The following RARS2 variants were observed in gnomAD, a reference collection of about 807,000 sequenced individuals.
RARS2 encodes the protein arginyl-tRNA synthetase 2, mitochondrial, also known as probable arginine--tRNA ligase, mitochondrial.
In RARS2, 67 loss-of-function variants were observed where a neutral mutation model predicts 88.5. The ratio of observed to expected loss-of-function variants is 0.76; its 90% CI spans 0.62 to 0.93. The LOEUF (loss-of-function observed/expected upper bound fraction) is 0.93. Ranked by LOEUF, RARS2 falls within the 40% of genes least tolerant of loss-of-function variation. The pLI, the probability that RARS2 is intolerant of heterozygous loss-of-function variation, is 0.00. For synonymous variants in RARS2, 239 were observed against 230.3 expected (o/e 1.04, Z -0.34); for missense variants, 664 against 684.2 (o/e 0.97, Z 0.33).
At chr6:87,539,488 T>C (rs1046588676) in intron 8 of RARS2, among the ~76,000 whole-genome samples, 9 of 152,240 alleles carry the variant, frequency 5.9e-5, no homozygotes, top group African/African-American at 2.2e-4. Context: ...AAGCATTAGG[T>C]GACAGCCTGT....
chr6:87,553,050 T>C (rs549147789), intron 5 of RARS2, among the ~76,000 whole-genome samples: 1 of 152,312 alleles, frequency 6.6e-6, no homozygotes, highest in South Asian at 2.1e-4. Flanking sequence ...ATGTACTCTA[T>C]TTTTCTTCCC....
intron 1 of RARS2, among the ~76,000 whole-genome samples, chr6:87,574,158 C>G (rs1246989784): frequency 6.6e-6 from 1 of 152,178 alleles, no homozygotes; most frequent in Non-Finnish European, 1.5e-5. Context: ...GGGTAACACA[C>G]CAATGGCCTT....
At chr6:87,560,716 T>C (rs1302447924) in intron 4 of RARS2, among the ~76,000 whole-genome samples, 2 of 152,064 alleles carry the variant, frequency 1.3e-5, no homozygotes, top group Non-Finnish European at 2.9e-5. Flanking sequence ...CTGACCAACA[T>C]GGAGAAACTA....
chr6:87,548,752 G>T, intron 5 of RARS2, 106 bp from the exon 6 acceptor site: 1 of 995,218 alleles, frequency 1.0e-6, no homozygotes, highest in Non-Finnish European at 1.5e-6. Context: ...TATGGCCTTT[G>T]GTATTAGGGC....
At chr6:87,531,774 TATA>T (rs1195050749) in intron 8 of RARS2, among the ~76,000 whole-genome samples, 3 of 152,220 alleles carry the variant, frequency 2.0e-5, no homozygotes, top group Admixed American at 1.3e-4. Flanking sequence ...GTCTCCAAAA[TATA>T]ATGTTAATAA....
intron 4 of RARS2, among the ~76,000 whole-genome samples, chr6:87,559,690 T>C (rs2128160542): frequency 6.6e-6 from 1 of 152,256 alleles, no homozygotes; most frequent in South Asian, 2.1e-4. Flanking sequence ...ATTATTTTAT[T>C]CTGAAGTTAT....
intron 1 of RARS2, chr6:87,589,707 A>T (rs1437670006): frequency 3.0e-6 from 3 of 985,130 alleles, no homozygotes; most frequent in Non-Finnish European, 3.6e-6. Flanking sequence ...GTACCTTTCA[A>T]AGTTTACTTT....
intron 8 of RARS2, among the ~76,000 whole-genome samples, chr6:87,535,786 C>T (rs1197947508): frequency 1.3e-5 from 2 of 150,150 alleles, no homozygotes; most frequent in African/African-American, 4.9e-5. Context: ...AAGCGATTCT[C>T]GTCCCTCGGC....
At chr6:87,532,638 A>T (rs117375884) in intron 8 of RARS2, among the ~76,000 whole-genome samples, 1 of 152,194 alleles carries the variant, frequency 6.6e-6, no homozygotes, top group Non-Finnish European at 1.5e-5. Context: ...TACCCCATAT[A>T]TGCCTTTTCC....
At chr6:87,538,303 C>G (rs1185804523) in intron 8 of RARS2, among the ~76,000 whole-genome samples, 1 of 152,102 alleles carries the variant, frequency 6.6e-6, no homozygotes, top group Non-Finnish European at 1.5e-5. Flanking sequence ...ATCTATTCGG[C>G]AAAAGAACAC....
At chr6:87,517,104 C>T (rs911665321) in intron 17 of RARS2, among the ~76,000 whole-genome samples, 2 of 152,050 alleles carry the variant, frequency 1.3e-5, no homozygotes, top group African/African-American at 2.4e-5. Context: ...TGATGAAACC[C>T]CATTCTCTAC....
At chr6:87,552,827 T>A (rs1784779436) in intron 5 of RARS2, among the ~76,000 whole-genome samples, 1 of 152,148 alleles carries the variant, frequency 6.6e-6, no homozygotes, top group African/African-American at 2.4e-5. Flanking sequence ...TATAATGGCA[T>A]TATTTCAAGG....
At chr6:87,538,604 C>T (rs1779894133) in intron 8 of RARS2, among the ~76,000 whole-genome samples, 2 of 152,178 alleles carry the variant, frequency 1.3e-5, no homozygotes, top group Non-Finnish European at 2.9e-5. Flanking sequence ...ACAAAACCTA[C>T]ACCTATATAT....
chr6:87,518,253 G>A lies in RARS2; in HGVS notation c.1427C>T (p.Thr476Ile). 6.2e-7 allele frequency: 1 copy of A among 1,614,086 alleles called. No homozygotes were observed. Among genetic ancestry groups the A allele is most frequent in the Non-Finnish European group, 8.5e-7 (1 of 1,180,012 alleles). The stretch of plus-strand genomic sequence containing the variant: ...GTCATTCAGGTACCCACATCCAAAA[G>A]TCTCTTCCAAACTTATCAAAAGTTT... ...THARLHSLEE[T>I]FGCGYLNDFN... The change falls in exon 17 of 20, where the codon ACT (threonine) becomes ATT (isoleucine). Residue 476 changes from threonine (T) to isoleucine (I), a missense_variant. Physicochemically the swap from Thr to Ile is moderately conservative, Grantham distance 89. Transcript: ENST00000369536.
At chr6:87,541,346 T>A (rs1780887857) in intron 8 of RARS2, among the ~76,000 whole-genome samples, 1 of 151,938 alleles carries the variant, frequency 6.6e-6, no homozygotes, top group Non-Finnish European at 1.5e-5. Flanking sequence ...CTGGCTAATA[T>A]TTTATTACTT....
At chr6:87,517,545 A>G (rs1389597037) in intron 17 of RARS2, among the ~76,000 whole-genome samples, 2 of 152,186 alleles carry the variant, frequency 1.3e-5, no homozygotes, top group African/African-American at 2.4e-5. Flanking sequence ...TACATTCCCT[A>G]TTGTACATGT....
At chr6:87,577,326 G>A (rs1582840386) in intron 1 of RARS2, among the ~76,000 whole-genome samples, 1 of 152,026 alleles carries the variant, frequency 6.6e-6, no homozygotes, top group East Asian at 1.9e-4. Context: ...TGAGTAGCTG[G>A]GACTACAGGT....
chr6:87,573,259 G>C (rs1178500391), intron 1 of RARS2, among the ~76,000 whole-genome samples: 1 of 152,084 alleles, frequency 6.6e-6, no homozygotes, highest in Admixed American at 6.5e-5. Context: ...AGTGTGAATG[G>C]GGAGATGCTA....
intron 4 of RARS2, among the ~76,000 whole-genome samples, chr6:87,557,395 T>C (rs1412908091): frequency 6.6e-6 from 1 of 152,080 alleles, no homozygotes; most frequent in East Asian, 1.9e-4. Flanking sequence ...TAAGAAGAAA[T>C]CCAGATTCAG....
Sources: allele counts gnomAD v4.1 joint callset (sites outside exome capture counted in the v4.1 genomes callset), GRCh38; gene constraint gnomAD v4.1.1; transcripts MANE v1.5; gene names NCBI Gene and HGNC (gene_info 2026-07-23, HGNC 2026-07-21).